Variants in PBX1 observed in about 807,000 individuals in gnomAD.
PBX1 encodes the protein pre-B-cell leukemia transcription factor 1.
PBX1 carries 6 observed loss-of-function variants against 53.4 expected under a neutral mutation model. The ratio of observed to expected loss-of-function variants is 0.11; its 90% CI spans 0.06 to 0.22. The LOEUF (loss-of-function observed/expected upper bound fraction) is 0.22. Ranked by LOEUF, PBX1 falls within the 10% of genes least tolerant of loss-of-function variation. The pLI is 1.00. For synonymous variants in PBX1, 204 were observed against 212.3 expected (o/e 0.96, Z 0.34); for missense variants, 251 against 551.4 (o/e 0.46, Z 5.46).
intron 2 of PBX1, among the ~76,000 whole-genome samples, chr1:164,698,968 G>C (rs1441502738): frequency 1.3e-5 from 2 of 152,188 alleles, no homozygotes; most frequent in Non-Finnish European, 2.9e-5. Context: ...TGGAACCACA[G>C]CCCATGCTAT....
intron 3 of PBX1, among the ~76,000 whole-genome samples, chr1:164,799,440 G>A (rs1258190910): frequency 1.3e-5 from 2 of 152,120 alleles, no homozygotes; most frequent in African/African-American, 2.4e-5. Context: ...GCAGTGAGCC[G>A]ATATCGTGCC....
chr1:164,773,684 T>G (rs1357333432), intron 2 of PBX1, among the ~76,000 whole-genome samples: 4 of 152,146 alleles, frequency 2.6e-5, no homozygotes, highest in Non-Finnish European at 5.9e-5. Context: ...TACCCCACAC[T>G]GCATGGGCCA....
intron 2 of PBX1, among the ~76,000 whole-genome samples, chr1:164,862,281 T>C (rs1672118497): frequency 6.6e-6 from 1 of 152,180 alleles, no homozygotes; most frequent in African/African-American, 2.4e-5. Context: ...GGAATGACTG[T>C]CTTCATGCTA....
intron 2 of PBX1, among the ~76,000 whole-genome samples, chr1:164,702,567 C>T (rs1663184784): frequency 6.6e-6 from 1 of 152,142 alleles, no homozygotes; most frequent in African/African-American, 2.4e-5. Context: ...CTAAGAATCA[C>T]CCTACCCCCA....
intron 2 of PBX1, among the ~76,000 whole-genome samples, chr1:164,679,864 A>G (rs1661650374): frequency 6.6e-6 from 1 of 152,190 alleles, no homozygotes; most frequent in South Asian, 2.1e-4. Flanking sequence ...TTAAAGATGG[A>G]AAACCTGAGG....
intron 2 of PBX1, among the ~76,000 whole-genome samples, chr1:164,627,533 C>T (rs1223685109): frequency 2.0e-5 from 3 of 152,136 alleles, no homozygotes; most frequent in East Asian, 3.9e-4. Context: ...CCCGCAGCAT[C>T]GTGAACAGGA....
In PBX1 at chr1:164,561,104, C is replaced by A. The variant is rs574098418; in HGVS notation, c.191+1091C>A. Among the ~76,000 whole-genome samples the A allele has an allele frequency of 3.3e-5, 5 of 152,300 alleles. No individual in the cohort carries two copies. The South Asian group carries it at 1.0e-3, about 32-fold the overall frequency. On this transcript the variant is annotated intron_variant, in intron 1 of 8. Transcript: ENST00000420696. Reference sequence around the variant, plus strand: ...AGGAAGAATTTTAAAAATCTAATGACCACATATGTCTGTACAATTACCCAG... The same window carrying A: ...AGGAAGAATTTTAAAAATCTAATGAACACATATGTCTGTACAATTACCCAG...
At chr1:164,769,407 T>C (rs1667248450) in intron 2 of PBX1, 2 of 152,192 alleles carry the variant, frequency 1.3e-5, no homozygotes, top group Non-Finnish European at 2.9e-5. Context: ...GAAGATGCTA[T>C]ACATAAAGTG....
In PBX1 at chr1:164,849,472, C is replaced by G. The variant is rs1571526621; in HGVS notation, c.*2796C>G. On this transcript the variant is annotated 3_prime_UTR_variant, in exon 9 of 9. Coordinates refer to ENST00000420696, the MANE Select transcript of PBX1 (RefSeq NM_002585.4). ...GGATGGGTTTGGAAAGAGCATGCCT[C>G]TGGAAACACAGCTTCCTGGGAATTC... 2.6e-6 allele frequency: 4 copies of G among 1,532,748 alleles called. No homozygotes were observed. In the East Asian group the frequency reaches 9.8e-5, roughly 38 times the overall value. The allele number at this position is 1,532,748 out of a possible 1,614,324, so 94.9% of individuals were successfully genotyped here.
chr1:164,829,681 A>G (rs1279628854), intron 8 of PBX1: 1 of 152,048 alleles, frequency 6.6e-6, no homozygotes, highest in Non-Finnish European at 1.5e-5. Context: ...TGGGCTTAAT[A>G]CCTAGGTGAT....
At chr1:164,612,895 T>A (rs1318299487) in intron 2 of PBX1, among the ~76,000 whole-genome samples, 4 of 152,180 alleles carry the variant, frequency 2.6e-5, no homozygotes, top group South Asian at 2.1e-4. Flanking sequence ...CTTGGACAAG[T>A]GATTTGAACT....
intron 2 of PBX1, among the ~76,000 whole-genome samples, chr1:164,792,057 T>C: frequency 6.6e-6 from 1 of 152,118 alleles, no homozygotes; most frequent in East Asian, 1.9e-4. Context: ...TCTCCTGACC[T>C]CGTGATCAAC....
intron 2 of PBX1, among the ~76,000 whole-genome samples, chr1:164,692,685 G>C (rs1237216250): frequency 6.6e-6 from 1 of 152,150 alleles, no homozygotes; most frequent in Non-Finnish European, 1.5e-5. Flanking sequence ...ACAAGGGTGG[G>C]AGCAAGACTT....
intron 2 of PBX1, among the ~76,000 whole-genome samples, chr1:164,604,669 G>A (rs1656432304): frequency 6.6e-6 from 1 of 152,114 alleles, no homozygotes; most frequent in Non-Finnish European, 1.5e-5. Flanking sequence ...TAGTCATAAA[G>A]GACTTGGCAG....
At chr1:164,716,356 T>C (rs973070224) in intron 2 of PBX1, among the ~76,000 whole-genome samples, 1 of 152,060 alleles carries the variant, frequency 6.6e-6, no homozygotes, top group Non-Finnish European at 1.5e-5. Flanking sequence ...ATATGTAGCC[T>C]ACATATTGAA....
At chr1:164,676,756 C>T (rs1403322599) in intron 2 of PBX1, among the ~76,000 whole-genome samples, 1 of 152,208 alleles carries the variant, frequency 6.6e-6, no homozygotes, top group Non-Finnish European at 1.5e-5. Context: ...GCTGTTTTCT[C>T]AGTGTCATTC....
At chr1:164,622,164 C>G (rs1657722507) in intron 2 of PBX1, among the ~76,000 whole-genome samples, 1 of 152,160 alleles carries the variant, frequency 6.6e-6, no homozygotes. Flanking sequence ...TGGAAGTGAT[C>G]ACTAGGTAGG....
At chr1:164,636,165 T>TC (rs978524512) in intron 2 of PBX1, among the ~76,000 whole-genome samples, 5 of 152,004 alleles carry the variant, frequency 3.3e-5, no homozygotes, top group Admixed American at 6.5e-5. Context: ...TCTTTTTTTT[T>TC]TCTCCTTTTG....
At position 164,573,312 on chromosome 1, in the gene PBX1, A is replaced by G. The variant is rs1032397491; in HGVS notation, c.265+10001A>G. On this transcript the variant is annotated intron_variant, in intron 2 of 8. Transcript: ENST00000420696. ...TTTAGTAGCCCCATTTAAAAAAAGT[A>G]AAAAGAAACAAGTGAAATGAATTTT... Among the ~76,000 whole-genome samples, 6 of 152,170 alleles carry G rather than the reference A, an allele frequency of 3.9e-5. No homozygotes were observed. The South Asian group carries it at 1.2e-3, about 32-fold the overall frequency.
Sources: gnomAD v4.1 joint callset for allele counts (sites outside exome capture counted in the v4.1 genomes callset) on GRCh38, gnomAD v4.1.1 for gene constraint, MANE v1.5 for transcripts, NCBI Gene and HGNC (gene_info 2026-07-23, HGNC 2026-07-21) for gene names.